The following EFHB variants were observed in gnomAD, a reference collection of about 807,000 sequenced individuals.
EFHB encodes EF-hand domain family member B, also known as EF-hand domain-containing family member B.
In EFHB, 91 loss-of-function variants were observed where a neutral mutation model predicts 87.2. The ratio of observed to expected loss-of-function variants is 1.04; its 90% CI spans 0.88 to 1.24. EFHB has a LOEUF of 1.24. EFHB is among the 50% of genes most tolerant of loss of function. The pLI is 0.00. For missense variants in EFHB, 1,084 were observed against 998.8 expected (o/e 1.09, Z -1.15); for synonymous variants, 325 against 333.6 (o/e 0.97, Z 0.28).
At chr3:19,884,646 C>G in intron 10 of EFHB, 31 bp from the exon 11 acceptor site, 1 of 1,594,888 alleles carries the variant, frequency 6.3e-7, no homozygotes. Flanking sequence ...AGAAAAAATG[C>G]AGGAATACAT....
chr3:19,931,679 C>T (rs1026242932), intron 1 of EFHB, among the ~76,000 whole-genome samples: 4 of 152,214 alleles, frequency 2.6e-5, no homozygotes, highest in Admixed American at 2.6e-4. Context: ...TTATGTTTCT[C>T]AATACCAATG....
chr3:19,909,241 T>G (rs1179304870), intron 5 of EFHB, among the ~76,000 whole-genome samples: 1 of 151,780 alleles, frequency 6.6e-6, no homozygotes, highest in Admixed American at 6.6e-5. Flanking sequence ...TGGGCAGAGC[T>G]TCTCCTGGCA....
At chr3:19,920,361 T>TAG in intron 2 of EFHB, 144 bp downstream of exon 2, 1 of 678,460 alleles carries the variant, frequency 1.5e-6, no homozygotes, top group South Asian at 2.0e-5. Flanking sequence ...ACAAAATCAA[T>TAG]AGAAGGCCTC....
intron 3 of EFHB, among the ~76,000 whole-genome samples, chr3:19,919,191 T>C (rs1695347791): frequency 1.3e-5 from 2 of 151,770 alleles, no homozygotes; most frequent in Admixed American, 1.3e-4. Flanking sequence ...AAGACAGTCT[T>C]TTTTTGTTTG....
intron 1 of EFHB, among the ~76,000 whole-genome samples, chr3:19,930,728 A>G (rs1360214742): frequency 6.6e-6 from 1 of 152,148 alleles, no homozygotes; most frequent in African/African-American, 2.4e-5. Flanking sequence ...CACCTCTCCC[A>G]AGTAGCTAGG....
chr3:19,915,997 CA>C (rs1216089753), intron 4 of EFHB, among the ~76,000 whole-genome samples: 7 of 151,904 alleles, frequency 4.6e-5, no homozygotes, highest in African/African-American at 1.7e-4. Context: ...ACTATATTAT[CA>C]GTTAACTGTT....
At chr3:19,903,275 G>T (rs1274921232) in intron 6 of EFHB, among the ~76,000 whole-genome samples, 2 of 151,910 alleles carry the variant, frequency 1.3e-5, no homozygotes, top group Non-Finnish European at 2.9e-5. Context: ...AGCATGCACT[G>T]CACACTGTTT....
At chr3:19,889,102 G>A (rs1559446835) in intron 9 of EFHB, among the ~76,000 whole-genome samples, 1 of 152,210 alleles carries the variant, frequency 6.6e-6, no homozygotes, top group Non-Finnish European at 1.5e-5. Context: ...ATTGAAACAA[G>A]TAACACTAAG....
intron 1 of EFHB, among the ~76,000 whole-genome samples, chr3:19,939,396 T>TC (rs1696099519): frequency 7.9e-6 from 1 of 126,234 alleles, no homozygotes; most frequent in African/African-American, 3.0e-5. Flanking sequence ...TTTTTTTTTT[T>TC]TTTTGGGATG....
chr3:19,881,328 T>C (rs1193257749), intron 12 of EFHB, among the ~76,000 whole-genome samples: 1 of 152,218 alleles, frequency 6.6e-6, no homozygotes, highest in Non-Finnish European at 1.5e-5. Flanking sequence ...AGTAGTATGC[T>C]GACTACCTAA....
intron 5 of EFHB, among the ~76,000 whole-genome samples, chr3:19,911,737 G>A (rs919771494): frequency 2.0e-5 from 3 of 151,664 alleles, no homozygotes; most frequent in Non-Finnish European, 2.9e-5. Flanking sequence ...TACAATCAGA[G>A]AAGACAAAAG....
chr3:19,911,727 T>C (rs1173384609), intron 5 of EFHB, among the ~76,000 whole-genome samples: 1 of 151,422 alleles, frequency 6.6e-6, no homozygotes, highest in African/African-American at 2.4e-5. Context: ...TATTTGAAAA[T>C]ACAATCAGAG....
intron 1 of EFHB, chr3:19,940,358 G>T: frequency 2.5e-6 from 1 of 392,954 alleles, no homozygotes; most frequent in South Asian, 2.0e-5. Flanking sequence ...CTCTGCTAGA[G>T]CTTTGTAATG....
At chr3:19,901,638 C>T (rs749431875) in intron 6 of EFHB, among the ~76,000 whole-genome samples, 1 of 152,102 alleles carries the variant, frequency 6.6e-6, no homozygotes, top group Admixed American at 6.6e-5. Context: ...CTTGAACAAA[C>T]AGAGTTAACA....
intron 5 of EFHB, among the ~76,000 whole-genome samples, chr3:19,914,832 G>A (rs1872737): frequency 0.18 from 27,914 of 152,136 alleles, 3,290 homozygotes; most frequent in Non-Finnish European, 0.27. Flanking sequence ...GTGCATGCCT[G>A]TAATCCCAGC....
At chr3:19,904,942 G>C (rs1052144430) in intron 6 of EFHB, among the ~76,000 whole-genome samples, 1 of 152,124 alleles carries the variant, frequency 6.6e-6, no homozygotes, top group Non-Finnish European at 1.5e-5. Context: ...TGTTGGCTCG[G>C]ATATAAAATA....
intron 4 of EFHB, among the ~76,000 whole-genome samples, chr3:19,916,052 C>A (rs1695219985): frequency 6.6e-6 from 1 of 152,190 alleles, no homozygotes; most frequent in Non-Finnish European, 1.5e-5. Context: ...AATTCCTGAT[C>A]CTGAGAATCT....
chr3:19,915,816 T>C (rs1041286561), intron 4 of EFHB, among the ~76,000 whole-genome samples: 15 of 147,064 alleles, frequency 1.0e-4, no homozygotes, highest in African/African-American at 3.7e-4. Flanking sequence ...CTACTGAAAA[T>C]ACAAAAATTA....
At position 19,939,370 on chromosome 3, in the gene EFHB, C is replaced by CTTTT. The variant is rs147510880; in HGVS notation, c.-31-3040_-31-3037dup. Among the ~76,000 whole-genome samples, 557 of 64,570 alleles carry CTTTT rather than the reference C, an allele frequency of 8.6e-3. 126 individuals carry two copies. The highest frequency in any genetic ancestry group is 0.019 in the Admixed American group (82 of 4,272). 42.4% of individuals were successfully genotyped at this position (64,570 alleles called of 152,430 possible). On this transcript the variant is annotated intron_variant, in intron 1 of 14. Transcript: ENST00000344838. ...TGCCACTCAAACTGGGTTGGGTCTC[C>CTTTT]TTTTTTTTTTTTTTTTTTTTTTTTT...
Sources: gnomAD v4.1 joint callset for allele counts (sites outside exome capture counted in the v4.1 genomes callset) on GRCh38, gnomAD v4.1.1 for gene constraint, MANE v1.5 for transcripts, NCBI Gene and HGNC (gene_info 2026-07-23, HGNC 2026-07-21) for gene names.